The following GNG12 variants were observed in gnomAD, a reference collection of about 807,000 sequenced individuals.
The protein encoded by GNG12 is G protein subunit gamma 12, also known as guanine nucleotide-binding protein G(I)/G(S)/G(O) subunit gamma-12.
For synonymous variants in GNG12, 28 were observed against 29.7 expected, an observed-to-expected ratio of 0.94 and a Z score of 0.19; for missense variants, 69 against 83.8, an observed-to-expected ratio of 0.82 and a Z score of 0.69.
At chr1:67,827,194 C>G (rs1184381274) in intron 1 of GNG12, among the ~76,000 whole-genome samples, 1 of 152,180 alleles carries the variant, frequency 6.6e-6, no homozygotes, top group Non-Finnish European at 1.5e-5. Flanking sequence ...AAAGGGGATC[C>G]TATGTCAATT....
At chr1:67,801,935 G>A (rs1646868152) in intron 1 of GNG12, among the ~76,000 whole-genome samples, 1 of 150,590 alleles carries the variant, frequency 6.6e-6, no homozygotes, top group African/African-American at 2.4e-5. Context: ...AAGGGAAGGG[G>A]GAAGGAAAAA....
intron 2 of GNG12, among the ~76,000 whole-genome samples, chr1:67,750,685 T>C (rs1318460533): frequency 3.3e-5 from 5 of 152,208 alleles, no homozygotes; most frequent in African/African-American, 7.2e-5. Context: ...TATTTTCCCA[T>C]AGAAACAGTG....
chr1:67,736,225 GACACAACGCCC>G (rs1197610093), intron 2 of GNG12, among the ~76,000 whole-genome samples: 4 of 152,162 alleles, frequency 2.6e-5, no homozygotes, highest in Non-Finnish European at 5.9e-5. Context: ...CTCCCAGCCT[GACACAACGCCC>G]ACCTCTTCTT....
At chr1:67,791,096 T>C (rs951870226) in intron 1 of GNG12, among the ~76,000 whole-genome samples, 1 of 152,202 alleles carries the variant, frequency 6.6e-6, no homozygotes, top group Non-Finnish European at 1.5e-5. Flanking sequence ...AATTCTGAAA[T>C]TCAGTTCTAT....
chr1:67,712,102 A>G (rs996837725), intron 2 of GNG12, among the ~76,000 whole-genome samples: 1 of 152,216 alleles, frequency 6.6e-6, no homozygotes, highest in African/African-American at 2.4e-5. Context: ...GCTGTGCACA[A>G]CAAGATAGAA....
At chr1:67,765,957 C>CA (rs1215055071) in intron 2 of GNG12, among the ~76,000 whole-genome samples, 5 of 151,258 alleles carry the variant, frequency 3.3e-5, no homozygotes, top group South Asian at 4.2e-4. Flanking sequence ...AAAATCTGGC[C>CA]AAAAAAAAGT....
At chr1:67,819,936 A>C (rs1646975733) in intron 1 of GNG12, among the ~76,000 whole-genome samples, 1 of 151,906 alleles carries the variant, frequency 6.6e-6, no homozygotes. Context: ...TCCCCAGTCC[A>C]TCTCTCTGTC....
intron 2 of GNG12, among the ~76,000 whole-genome samples, chr1:67,744,979 C>T (rs904536959): frequency 5.9e-5 from 9 of 152,166 alleles, no homozygotes; most frequent in African/African-American, 2.2e-4. Context: ...GAGGGCAAGT[C>T]GCTTATTTTC....
intron 1 of GNG12, among the ~76,000 whole-genome samples, chr1:67,828,104 C>T (rs971701433): frequency 6.6e-6 from 1 of 152,152 alleles, no homozygotes. Context: ...TCTGTACTAT[C>T]CAGACCCCCT....
chr1:67,800,477 T>G (rs1646858408), intron 1 of GNG12, among the ~76,000 whole-genome samples: 1 of 152,324 alleles, frequency 6.6e-6, no homozygotes, highest in Middle Eastern at 3.4e-3. Flanking sequence ...AGACATTCTT[T>G]CAAGCAAAAG....
At chr1:67,823,506 A>G (rs1315150154) in intron 1 of GNG12, among the ~76,000 whole-genome samples, 1 of 152,232 alleles carries the variant, frequency 6.6e-6, no homozygotes, top group African/African-American at 2.4e-5. Context: ...ACAGAGATGT[A>G]TGCAAGAGGA....
chr1:67,715,291 G>A (rs775861498), intron 2 of GNG12, among the ~76,000 whole-genome samples: 3 of 152,314 alleles, frequency 2.0e-5, no homozygotes, highest in Middle Eastern at 3.4e-3. Flanking sequence ...GATCTCAGAC[G>A]TCTAGCTTCC....
chr1:67,817,796 T>C (rs1240497521), intron 1 of GNG12, among the ~76,000 whole-genome samples: 5 of 146,196 alleles, frequency 3.4e-5, no homozygotes, highest in Admixed American at 6.8e-5. Flanking sequence ...TCTTTTTTTT[T>C]TTTTTTTTTT....
chr1:67,826,985 T>C (rs1308374984), intron 1 of GNG12, among the ~76,000 whole-genome samples: 2 of 152,216 alleles, frequency 1.3e-5, no homozygotes, highest in Non-Finnish European at 2.9e-5. Context: ...AAAGCCTGAT[T>C]ATTTCACATC....
chr1:67,832,911 G>C (rs1647057200), intron 1 of GNG12, among the ~76,000 whole-genome samples: 1 of 152,230 alleles, frequency 6.6e-6, no homozygotes, highest in African/African-American at 2.4e-5. Flanking sequence ...CCACGGCTGG[G>C]AACACTGGGG....
chr1:67,802,044 C>T (rs1646868929), intron 1 of GNG12, among the ~76,000 whole-genome samples: 1 of 152,036 alleles, frequency 6.6e-6, no homozygotes, highest in Admixed American at 6.6e-5. Flanking sequence ...TGAACCTGGG[C>T]AGTGCCAGAG....
At chr1:67,729,829 T>C (rs1363238876) in intron 2 of GNG12, among the ~76,000 whole-genome samples, 1 of 152,182 alleles carries the variant, frequency 6.6e-6, no homozygotes, top group Non-Finnish European at 1.5e-5. Context: ...AATTTGAAAT[T>C]GCTGCTGCAA....
intron 2 of GNG12, among the ~76,000 whole-genome samples, chr1:67,737,573 G>C (rs970553747): frequency 1.3e-5 from 2 of 151,900 alleles, no homozygotes; most frequent in African/African-American, 4.8e-5. Flanking sequence ...GCTTGGACTA[G>C]ATCAGTGTTT....
rs1557592306 is a variant in GNG12, at chr1:67,710,138, T to TTATATATATAGTTATATATATATAGTTA, written c.-26-2427_-26-2426insTAACTATATATATATAACTATATATATA. Among the ~76,000 whole-genome samples, 7 of 5,914 alleles carry TTATATATATAGTTATATATATATAGTTA rather than the reference T, an allele frequency of 1.2e-3. 1 individual carries two copies. Among genetic ancestry groups the TTATATATATAGTTATATATATATAGTTA allele is most frequent in the African/African-American group, 3.3e-3 (6 of 1,798 alleles). The allele number at this position is 5,914 out of a possible 152,430, so 3.9% of individuals were successfully genotyped here. ...GTTATATATATAGTTATATATATAG[T>TTATATATATAGTTATATATATATAGTTA]TATATATATATAGTTATATATATAT... On this transcript the variant is annotated intron_variant, in intron 2 of 3. Transcript: ENST00000370982.
Sources: gnomAD v4.1 joint callset for allele counts (sites outside exome capture counted in the v4.1 genomes callset) on GRCh38, gnomAD v4.1.1 for gene constraint, MANE v1.5 for transcripts, NCBI Gene and HGNC (gene_info 2026-07-23, HGNC 2026-07-21) for gene names.